PANX2: variants seen among roughly 807,000 people sequenced by gnomAD.
PANX2 encodes pannexin-2.
In PANX2, 30 loss-of-function variants were observed where a neutral mutation model predicts 38.7. The ratio of observed to expected loss-of-function variants is 0.78; its 90% CI spans 0.58 to 1.05. The LOEUF is 1.05. PANX2 is among the 50% of genes least tolerant of loss of function. The probability of loss-of-function intolerance (pLI) is 0.00; values close to 1 mark genes in which losing one functional copy is unlikely to be tolerated. For missense variants in PANX2, 880 were observed against 979.3 expected (o/e 0.90, Z 1.35); for synonymous variants, 539 against 472.1 (o/e 1.14, Z -1.84).
rs2063662740 is a variant in PANX2, at chr22:50,176,680, T to TGGTTTCGCAGGC, written c.227-255_227-244dup. ...CATTTGGAGAGGCGCATGGCTCAGG[T>TGGTTTCGCAGGC]GGTTTCGCAGGCGGTCATGGCTTCC... On this transcript the variant is annotated intron_variant, in intron 1 of 2. Transcript: ENST00000395842. 7.2e-5 allele frequency among the ~76,000 whole-genome samples: 11 copies of TGGTTTCGCAGGC among 152,020 alleles called. No homozygotes were observed. The South Asian group carries it at 2.3e-3, about 32-fold the overall frequency.
At position 50,178,998 on chromosome 22, in the gene PANX2, G is replaced by T; in HGVS notation, c.1755G>T (p.Ser585=). 2 of 1,608,688 alleles carry T rather than the reference G, an allele frequency of 1.2e-6. No homozygotes were observed. Residue 585 remains serine, a synonymous_variant, in exon 3 of 3, where the codon TCG becomes TCT. Coordinates refer to ENST00000395842, the MANE Select transcript of PANX2 (RefSeq NM_052839.4). ...AGCCAGCCCGGGCAGGGCTTCCCTC[G>T]GGGGGCCCGTTCCACGTCCGCTCAC... The part of the protein sequence containing the change: ...PTEPARAGLP[S]GGPFHVRSPP...
At chr22:50,176,311 A>G (rs1014643172) in intron 1 of PANX2, among the ~76,000 whole-genome samples, 14 of 152,236 alleles carry the variant, frequency 9.2e-5, no homozygotes, top group African/African-American at 3.1e-4. Context: ...AGCGGCAGAT[A>G]CCGCAGTCCA....
Position 50,178,241 on chromosome 22 carries a change from C to A in PANX2, c.1529C>A (p.Ala510Glu), listed in dbSNP as rs1254385716. ...CCGCCCGCCCCTGACAAGAAGCACG[C>A]GCGCCACTTCTCCCTGGACGTGCAC... ...APPPAPDKKH[A>E]RHFSLDVHPY... Residue 510 changes from alanine to glutamate, a missense_variant, in exon 2 of 3, where the codon GCG (alanine) becomes GAG (glutamate). Coordinates refer to ENST00000395842, the MANE Select transcript of PANX2 (RefSeq NM_052839.4). 6.6e-7 allele frequency: 1 copy of A among 1,511,292 alleles called. No individual in the cohort carries two copies. The highest frequency in any genetic ancestry group is 8.8e-7 in the Non-Finnish European group (1 of 1,137,628). The allele number at this position is 1,511,292 out of a possible 1,614,324, so 93.6% of individuals were successfully genotyped here.
In PANX2 at chr22:50,179,010, C is replaced by T; in HGVS notation, c.1767C>T (p.Phe589=). Reference sequence around the variant, plus strand: ...CAGGGCTTCCCTCGGGGGGCCCGTTCCACGTCCGCTCACCTCCCGCCGCCC... The same window carrying T: ...CAGGGCTTCCCTCGGGGGGCCCGTTTCACGTCCGCTCACCTCCCGCCGCCC... ...ARAGLPSGGP[F]HVRSPPAAPA... Residue 589 remains phenylalanine (F), a synonymous_variant, in exon 3 of 3, where the codon TTC becomes TTT. Transcript: ENST00000395842. 1 of 1,610,460 alleles carries T rather than the reference C, an allele frequency of 6.2e-7. No homozygotes were observed. Among genetic ancestry groups the T allele is most frequent in the East Asian group, 2.2e-5 (1 of 44,818 alleles).
chr22:50,179,115 G>T lies in PANX2; in HGVS notation c.1872G>T (p.Pro624=). ...TCCTGAGCCGAAACGCCACACACCC[G>T]CTGCTGCACATCAACACGCTGTACG... ...LTILSRNATH[P]LLHINTLYEA... is the part of the protein sequence containing the mutation. Residue 624 remains proline (P), a synonymous_variant, in exon 3 of 3, where the codon CCG becomes CCT. Coordinates refer to ENST00000395842, the MANE Select transcript of PANX2 (RefSeq NM_052839.4). 1 of 1,611,946 alleles carries T rather than the reference G, an allele frequency of 6.2e-7. No individual in the cohort carries two copies. The highest frequency in any genetic ancestry group is 8.5e-7 in the Non-Finnish European group (1 of 1,179,496).
chr22:50,179,094 G>A lies in PANX2; in HGVS notation c.1851G>A (p.Leu617=). ...GCAAGGCGGAGCCCCTCACCATCCT[G>A]AGCCGAAACGCCACACACCCGCTGC... ...SLGKAEPLTI[L]SRNATHPLLH... Residue 617 remains leucine, a synonymous_variant, in exon 3 of 3, where the codon CTG becomes CTA. Coordinates refer to ENST00000395842, the MANE Select transcript of PANX2 (RefSeq NM_052839.4). The A allele has an allele frequency of 6.2e-7, 1 of 1,611,732 alleles. No individual in the cohort carries two copies. Among genetic ancestry groups the A allele is most frequent in the Non-Finnish European group, 8.5e-7 (1 of 1,179,398 alleles).
intron 2 of PANX2, 24 bp from the exon 3 acceptor site, chr22:50,178,910 G>A: frequency 2.0e-6 from 3 of 1,537,344 alleles, no homozygotes; most frequent in Non-Finnish European, 2.6e-6. Flanking sequence ...GGTGTGAGAT[G>A]TCTGTGCTCT....
In PANX2 at chr22:50,178,327, T is replaced by C; in HGVS notation, c.1615T>C (p.Ser539Pro). ...GGCGGTGCCCGCCGCCCTGCCCGCC[T>C]CCCGGAGCCAGGAGGGGGGCTTCCT... ...AEAVPAALPA[S>P]RSQEGGFLSQ... Residue 539 changes from serine to proline, a missense_variant, in exon 2 of 3, where the codon TCC becomes CCC. By Grantham distance (74) the Ser-to-Pro change is moderately conservative. Transcript: ENST00000395842. The C allele has an allele frequency of 6.6e-7, 1 of 1,504,428 alleles. No homozygotes were observed. 93.2% of individuals were successfully genotyped at this position (1,504,428 alleles called of 1,614,324 possible).
chr22:50,172,166 G>A (rs1463578661), intron 1 of PANX2, among the ~76,000 whole-genome samples: 3 of 152,248 alleles, frequency 2.0e-5, no homozygotes, highest in African/African-American at 7.2e-5. Flanking sequence ...CAGACACCAC[G>A]TGTGTTCTCT....
rs1422919949 is a variant in PANX2 at position 50,179,105 on chromosome 22, C to T, written c.1862C>T (p.Ala621Val). ...CCCCTCACCATCCTGAGCCGAAACG[C>T]CACACACCCGCTGCTGCACATCAAC... The part of the protein sequence containing the change: ...AEPLTILSRN[A>V]THPLLHINTL... The change falls in exon 3 of 3, where the codon GCC (alanine) becomes GTC (valine). Residue 621 changes from alanine to valine, a missense_variant. This residue lies in a region of PANX2 where 445 missense variants were observed against 404.3 expected (regional missense o/e 1.10). Coordinates refer to ENST00000395842, the MANE Select transcript of PANX2 (RefSeq NM_052839.4). 1 of 1,611,932 alleles carries T rather than the reference C, an allele frequency of 6.2e-7. No individual in the cohort carries two copies. The highest frequency in any genetic ancestry group is 8.5e-7 in the Non-Finnish European group (1 of 1,179,530).
At chr22:50,173,042 G>A (rs377006192) in intron 1 of PANX2, among the ~76,000 whole-genome samples, 26 of 151,576 alleles carry the variant, frequency 1.7e-4, no homozygotes, top group African/African-American at 5.8e-4. Flanking sequence ...GACTACAGGC[G>A]CCCGCCACCA....
At position 50,177,085 on chromosome 22, in the gene PANX2, C is replaced by T. The variant is rs757345103; in HGVS notation, c.373C>T (p.Pro125Ser). The change falls in exon 2 of 3, where the codon CCC (proline) becomes TCC (serine). Residue 125 changes from proline (P) to serine (S), a missense_variant. Around this residue, in one of 4 missense-constraint regions of PANX2, gnomAD observed 243 missense variants for 333.1 expected, o/e 0.73. Transcript: ENST00000395842. Reference protein sequence around the residue: ...WPSLFEHKFLPYALLAFAAIM... With the variant: ...WPSLFEHKFLSYALLAFAAIM... The stretch of plus-strand genomic sequence containing the variant: ...GTCGCTGTTTGAGCACAAGTTCCTG[C>T]CCTACGCGCTGCTGGCCTTCGCCGC... The T allele has an allele frequency of 1.2e-6, 2 of 1,610,944 alleles. No individual in the cohort carries two copies. The highest frequency in any genetic ancestry group is 1.1e-5 in the South Asian group (1 of 90,726).
In PANX2 at chr22:50,170,827, A is replaced by G; in HGVS notation, c.97A>G (p.Lys33Glu). The G allele has an allele frequency of 2.7e-6, 4 of 1,482,232 alleles. No homozygotes were observed. The highest frequency in any genetic ancestry group is 1.3e-5 in the South Asian group (1 of 77,304). 91.8% of individuals were successfully genotyped at this position (1,482,232 alleles called of 1,614,324 possible). A position where few individuals can be genotyped will look rare whatever the true frequency, so the allele number is the denominator to read the frequency against. Reference sequence around the variant, plus strand: ...GATCCTGCCGGGCGCGCAGGACGACAAGGCGGGCGCGCTGGCCGCGCTGCT... The same window carrying G: ...GATCCTGCCGGGCGCGCAGGACGACGAGGCGGGCGCGCTGGCCGCGCTGCT... ...ELILPGAQDD[K>E]AGALAALLLQ... Residue 33 changes from lysine to glutamate, a missense_variant, in exon 1 of 3, where the codon AAG becomes GAG. By Grantham distance (56) the Lys-to-Glu change is moderately conservative (BLOSUM62 1). This residue lies in a region of PANX2 where 243 missense variants were observed against 333.1 expected (regional missense o/e 0.73). Transcript: ENST00000395842.
chr22:50,178,871 T>TGGGC, intron 2 of PANX2, 63 bp from the exon 3 acceptor site: 1 of 1,393,484 alleles, frequency 7.2e-7, no homozygotes, highest in Non-Finnish European at 9.7e-7. Context: ...CTGCACTGGG[T>TGGGC]GGGCGCTGGG....
In PANX2 at chr22:50,178,226, C is replaced by T. The variant is rs1450016215; in HGVS notation, c.1514C>T (p.Pro505Leu). ...PAPAPAPPPA[P>L]DKKHARHFSL... ...CCTGCCCCCGCCCCGCCGCCCGCCC[C>T]TGACAAGAAGCACGCGCGCCACTTC... is the stretch of plus-strand genomic sequence containing the variant. The change falls in exon 2 of 3, where the codon CCT becomes CTT. Residue 505 changes from proline (P) to leucine (L), a missense_variant. Pro to Leu is a moderately conservative substitution (Grantham distance 98). Coordinates refer to ENST00000395842, the MANE Select transcript of PANX2 (RefSeq NM_052839.4). 6.7e-6 allele frequency: 10 copies of T among 1,498,270 alleles called. No homozygotes were observed. Among genetic ancestry groups the T allele is most frequent in the Non-Finnish European group, 8.8e-6 (10 of 1,132,060 alleles). 92.8% of individuals were successfully genotyped at this position (1,498,270 alleles called of 1,614,324 possible).
At position 50,180,266 on chromosome 22, in the gene PANX2, G is replaced by C. The variant is rs1301280696; in HGVS notation, c.*989G>C. 1.3e-5 allele frequency: 2 copies of C among 152,294 alleles called. No homozygotes were observed. Among genetic ancestry groups the C allele is most frequent in the African/African-American group, 4.8e-5 (2 of 41,482 alleles). The allele number at this position is 152,294 out of a possible 1,614,324, so 9.4% of individuals were successfully genotyped here. ...TGCAGAATTAACAAGGTAGCACCGA[G>C]CATATCAATAAATATTATTCTGATA... On this transcript the variant is annotated 3_prime_UTR_variant, in exon 3 of 3. Coordinates refer to ENST00000395842, the MANE Select transcript of PANX2 (RefSeq NM_052839.4).
At position 50,170,926 on chromosome 22, in the gene PANX2, G is replaced by T; in HGVS notation, c.196G>T (p.Val66Phe). The T allele has an allele frequency of 6.6e-7, 1 of 1,525,058 alleles. No homozygotes were observed. The highest frequency in any genetic ancestry group is 1.2e-5 in the South Asian group (1 of 81,882). 94.5% of individuals were successfully genotyped at this position (1,525,058 alleles called of 1,614,324 possible). A position where few individuals can be genotyped will look rare whatever the true frequency, so the allele number is the denominator to read the frequency against. The change falls in exon 1 of 3, where the codon GTC becomes TTC. Residue 66 changes from valine to phenylalanine, a missense_variant. Transcript: ENST00000395842. The stretch of plus-strand genomic sequence containing the variant: ...CACCGTGCTGGTGCCCATCCTGCTG[G>T]TCACCCTGGTCTTCACCAAGAACTT... The part of the protein sequence containing the change: ...IGTVLVPILL[V>F]TLVFTKNFAE...
At position 50,179,391 on chromosome 22, in the gene PANX2, C is replaced by T. The variant is rs958561140; in HGVS notation, c.*114C>T. ...CGTGGCCTGTGCTTCGCCCGCACTG[C>T]GCGCATCCCCAACCTCTGTCCGCAT... On this transcript the variant is annotated 3_prime_UTR_variant, in exon 3 of 3. Transcript: ENST00000395842. 7 of 934,604 alleles carry T rather than the reference C, an allele frequency of 7.5e-6. No individual in the cohort carries two copies. The highest frequency in any genetic ancestry group is 4.8e-5 in the South Asian group (3 of 62,486). The allele number at this position is 934,604 out of a possible 1,614,324, so 57.9% of individuals were successfully genotyped here. A position where few individuals can be genotyped will look rare whatever the true frequency, so the allele number is the denominator to read the frequency against.
Position 50,180,194 on chromosome 22 carries a change from A to G in PANX2, c.*917A>G, listed in dbSNP as rs2063692164. On this transcript the variant is annotated 3_prime_UTR_variant, in exon 3 of 3. Transcript: ENST00000395842. ...GCTTCCTGTGGGAGCCCCGGCCGGC[A>G]CCCGGCTGGTCCCACCCCAAATACC... is the stretch of plus-strand genomic sequence containing the variant. The G allele has an allele frequency of 6.6e-6, 1 of 152,290 alleles. No homozygotes were observed. The highest frequency in any genetic ancestry group is 1.5e-5 in the Non-Finnish European group (1 of 68,072). The allele number at this position is 152,290 out of a possible 1,614,324, so 9.4% of individuals were successfully genotyped here. A position where few individuals can be genotyped will look rare whatever the true frequency, so the allele number is the denominator to read the frequency against.
Sources: allele counts gnomAD v4.1 joint callset (sites outside exome capture counted in the v4.1 genomes callset), GRCh38; gene constraint gnomAD v4.1.1; regional missense constraint gnomAD v4.1.1; transcripts MANE v1.5; gene names NCBI Gene and HGNC (gene_info 2026-07-23, HGNC 2026-07-21).